Variants in TMEM131 observed in about 807,000 individuals in gnomAD.
TMEM131 encodes the protein transmembrane protein 131.
In TMEM131, 66 loss-of-function variants were observed where a neutral mutation model predicts 211.6. The ratio of observed to expected loss-of-function variants is 0.31; its 90% CI spans 0.26 to 0.38. The LOEUF (loss-of-function observed/expected upper bound fraction) is 0.38, where lower values mean the gene tolerates loss of function less well. TMEM131 is among the 10% of genes least tolerant of loss of function. TMEM131 has a pLI of 1.00. For missense variants in TMEM131, 2,036 were observed against 2,299.3 expected (o/e 0.89, Z 2.34); for synonymous variants, 844 against 841.3 (o/e 1.00, Z -0.06).
At chr2:97,789,362 G>C (rs1176219297) in intron 31 of TMEM131, among the ~76,000 whole-genome samples, 1 of 152,250 alleles carries the variant, frequency 6.6e-6, no homozygotes, top group Non-Finnish European at 1.5e-5. Flanking sequence ...CTTCTGCTGG[G>C]ATGCTCCACA....
At chr2:97,903,880 C>G (rs1003902411) in intron 3 of TMEM131, among the ~76,000 whole-genome samples, 4 of 151,980 alleles carry the variant, frequency 2.6e-5, no homozygotes, top group Non-Finnish European at 5.9e-5. Context: ...CCAAGCTGGT[C>G]TCGAACTCCT....
At position 97,868,351 on chromosome 2, in the gene TMEM131, T is replaced by TAC. The variant is rs568939342; in HGVS notation, c.360-8926_360-8925dup. On this transcript the variant is annotated intron_variant, in intron 4 of 40. Transcript: ENST00000186436. The stretch of plus-strand genomic sequence containing the variant: ...AATATTGTCTATGTCTTTATATATA[T>TAC]ACACACACACACATATATGTAGGTT... Among the ~76,000 whole-genome samples, 536 of 152,100 alleles carry TAC rather than the reference T, an allele frequency of 3.5e-3. 2 individuals carry two copies. Among genetic ancestry groups the TAC allele is most frequent in the African/African-American group, 0.011 (477 of 41,492 alleles).
rs12712162 is a variant in TMEM131 at position 97,844,279 on chromosome 2, G to A, written c.484-18C>T. On this transcript the variant is annotated intron_variant, in intron 5 of 40. Transcript: ENST00000186436. ...AGAATTTTCTGAAACAGAAAATAAA[G>A]TTAAATTTGTAACAAGAAAAAAAAT... 341,625 of 1,012,018 alleles carry A rather than the reference G, an allele frequency of 0.34. 62,059 individuals carry two copies. The highest frequency in any genetic ancestry group is 0.46 in the Middle Eastern group (1,447 of 3,158). The allele number at this position is 1,012,018 out of a possible 1,614,324, so 62.7% of individuals were successfully genotyped here. A position where few individuals can be genotyped will look rare whatever the true frequency, so the allele number is the denominator to read the frequency against.
intron 1 of TMEM131, among the ~76,000 whole-genome samples, chr2:97,940,185 G>A (rs1677652488): frequency 6.6e-6 from 1 of 152,184 alleles, no homozygotes; most frequent in Non-Finnish European, 1.5e-5. Flanking sequence ...AATCAGGCAG[G>A]AGAAAGAAAT....
intron 4 of TMEM131, among the ~76,000 whole-genome samples, chr2:97,870,829 T>C (rs1674461980): frequency 6.6e-6 from 1 of 152,214 alleles, no homozygotes; most frequent in Non-Finnish European, 1.5e-5. Flanking sequence ...AAAATACTAC[T>C]ATCCTCCTTT....
chr2:97,927,713 G>A (rs866286720), intron 1 of TMEM131, among the ~76,000 whole-genome samples: 12 of 152,216 alleles, frequency 7.9e-5, no homozygotes, highest in Middle Eastern at 3.4e-3. Flanking sequence ...CAGGCTATAT[G>A]CATCAACTTC....
chr2:97,995,594 G>A lies in TMEM131; in HGVS notation c.69C>T (p.Ala23=), dbSNP rs918263124. ...TTAAVSTSAG[A]GLEPAAARSG... ...TACGGGCGGCCGCAGGTTCCAGCCC[G>A]GCCCCGGCGGACGTGGAGACGGCGG... Residue 23 remains alanine, a synonymous_variant, in exon 1 of 41, where the codon GCC becomes GCT. Coordinates refer to ENST00000186436, the MANE Select transcript of TMEM131 (RefSeq NM_015348.2). 9.7e-5 allele frequency: 122 copies of A among 1,263,718 alleles called. No individual in the cohort carries two copies. Among genetic ancestry groups the A allele is most frequent in the Non-Finnish European group, 1.2e-4 (118 of 1,006,170 alleles). 78.3% of individuals were successfully genotyped at this position (1,263,718 alleles called of 1,614,324 possible).
chr2:97,967,525 AAG>A (rs762370716), intron 1 of TMEM131, among the ~76,000 whole-genome samples: 13 of 152,214 alleles, frequency 8.5e-5, no homozygotes, highest in Non-Finnish European at 1.9e-4. Flanking sequence ...AGAAAAAAAA[AAG>A]AGTATAAAGA....
At chr2:97,974,969 C>T (rs779530627) in intron 1 of TMEM131, among the ~76,000 whole-genome samples, 44 of 152,238 alleles carry the variant, frequency 2.9e-4, no homozygotes, top group Non-Finnish European at 4.9e-4. Context: ...CTACAACCAA[C>T]CTGACTGACA....
intron 35 of TMEM131, 77 bp downstream of exon 35, chr2:97,766,037 C>T: frequency 1.3e-6 from 2 of 1,564,454 alleles, no homozygotes; most frequent in Non-Finnish European, 1.7e-6. Flanking sequence ...GCAACATGCC[C>T]CTGAAGAGTT....
chr2:97,837,199 T>C, intron 7 of TMEM131, 42 bp from the exon 8 acceptor site: 2 of 1,464,874 alleles, frequency 1.4e-6, no homozygotes, highest in Non-Finnish European at 1.9e-6. Context: ...CAAAGTCATA[T>C]TCTCAAAGCA....
rs193188816 is a variant in TMEM131, at chr2:97,803,185, A to G, written c.2403-395T>C. On this transcript the variant is annotated intron_variant, in intron 22 of 40. Transcript: ENST00000186436. The stretch of plus-strand genomic sequence containing the variant: ...AAAGATAATACATGATGTTACGCAG[A>G]TCCTAAAGGATCTTATGTGCCTAGA... Among the ~76,000 whole-genome samples, 429 of 152,364 alleles carry G rather than the reference A, an allele frequency of 2.8e-3. 3 individuals carry two copies. Among genetic ancestry groups the G allele is most frequent in the Middle Eastern group, 0.024 (7 of 294 alleles).
chr2:97,977,574 G>C (rs1679597256), intron 1 of TMEM131, among the ~76,000 whole-genome samples: 2 of 152,150 alleles, frequency 1.3e-5, no homozygotes, highest in Admixed American at 6.5e-5. Flanking sequence ...GCTTATAAAA[G>C]CTACATTTAC....
At chr2:97,975,788 T>G (rs546969942) in intron 1 of TMEM131, among the ~76,000 whole-genome samples, 1 of 136,592 alleles carries the variant, frequency 7.3e-6, no homozygotes, top group African/African-American at 2.8e-5. Context: ...ATTACTCTAA[T>G]ACTGAAAGGG....
chr2:97,802,017 T>C (rs1681059505), intron 24 of TMEM131, 56 bp from the exon 25 acceptor site: 1 of 1,233,144 alleles, frequency 8.1e-7, no homozygotes, highest in Non-Finnish European at 1.2e-6. Context: ...GTTAAGGGAG[T>C]TATGGAGTGA....
chr2:97,981,219 G>C (rs1573648816), intron 1 of TMEM131, among the ~76,000 whole-genome samples: 1 of 151,964 alleles, frequency 6.6e-6, no homozygotes, highest in Non-Finnish European at 1.5e-5. Flanking sequence ...CCATTATGTG[G>C]ATGTAACAAT....
intron 3 of TMEM131, among the ~76,000 whole-genome samples, chr2:97,901,686 A>G (rs1329046086): frequency 6.6e-6 from 1 of 152,202 alleles, no homozygotes; most frequent in Non-Finnish European, 1.5e-5. Flanking sequence ...GGCACTGAAA[A>G]GCAAATATTG....
chr2:97,993,019 T>C (rs983331480), intron 1 of TMEM131, among the ~76,000 whole-genome samples: 5 of 152,338 alleles, frequency 3.3e-5, no homozygotes, highest in South Asian at 2.1e-4. Flanking sequence ...TGGTCCATGC[T>C]TCTGACTCAA....
At chr2:97,888,791 T>C (rs1217480309) in intron 3 of TMEM131, among the ~76,000 whole-genome samples, 1 of 152,152 alleles carries the variant, frequency 6.6e-6, no homozygotes, top group Non-Finnish European at 1.5e-5. Flanking sequence ...GGGGGAGTAG[T>C]GGTGGTGGTT....
Sources: gnomAD v4.1 joint callset for allele counts (sites outside exome capture counted in the v4.1 genomes callset) on GRCh38, gnomAD v4.1.1 for gene constraint, MANE v1.5 for transcripts, NCBI Gene and HGNC (gene_info 2026-07-23, HGNC 2026-07-21) for gene names.